ELAVL4: variants seen among roughly 807,000 people sequenced by gnomAD.
The protein encoded by ELAVL4 is ELAV like RNA binding protein 4.
A neutral mutation model predicts 35.6 loss-of-function variants in ELAVL4; 1 was observed. The ratio of observed to expected loss-of-function variants is 0.03; its 90% CI spans 0.01 to 0.13. The LOEUF (loss-of-function observed/expected upper bound fraction) is 0.13, where lower values mean the gene tolerates loss of function less well. Among genes scored for constraint, ELAVL4 ranks in the 10% least tolerant of loss-of-function variants. ELAVL4 has a pLI of 1.00. For synonymous variants in ELAVL4, 156 were observed against 171.0 expected, an observed-to-expected ratio of 0.91 and a Z score of 0.69; for missense variants, 267 against 464.9, an observed-to-expected ratio of 0.57 and a Z score of 3.91.
intron 1 of ELAVL4, among the ~76,000 whole-genome samples, chr1:50,054,099 G>C (rs1663537394): frequency 6.6e-6 from 1 of 152,168 alleles, no homozygotes; most frequent in Non-Finnish European, 1.5e-5. Context: ...ATTGTAAATT[G>C]AGTTATAAGT....
intron 1 of ELAVL4, among the ~76,000 whole-genome samples, chr1:50,124,295 G>C (rs1408273090): frequency 1.3e-5 from 2 of 152,008 alleles, no homozygotes; most frequent in Non-Finnish European, 2.9e-5. Context: ...GTCACTTGCT[G>C]TCTGTACCAC....
At chr1:50,086,883 G>C (rs193009853) in intron 1 of ELAVL4, among the ~76,000 whole-genome samples, 242 of 152,056 alleles carry the variant, frequency 1.6e-3, no homozygotes, top group South Asian at 3.1e-3. Context: ...GCATTCTCTC[G>C]GGGACTCTGC....
chr1:50,153,933 A>C (rs183731488), intron 2 of ELAVL4, among the ~76,000 whole-genome samples: 1 of 152,368 alleles, frequency 6.6e-6, no homozygotes, highest in African/African-American at 2.4e-5. Context: ...AGCCTTCACT[A>C]GAACCCAACC....
chr1:50,185,236 T>A (rs1681645327), intron 3 of ELAVL4, among the ~76,000 whole-genome samples: 1 of 152,182 alleles, frequency 6.6e-6, no homozygotes, highest in South Asian at 2.1e-4. Context: ...TTCTCCCCTT[T>A]TGTCCATTCA....
intron 1 of ELAVL4, 83 bp from the exon 2 acceptor site, chr1:50,144,874 T>C (rs1673416783): frequency 6.4e-7 from 1 of 1,566,770 alleles, no homozygotes; most frequent in Non-Finnish European, 8.6e-7. Context: ...CTCTTTCTTT[T>C]CAAAAAAATT....
At chr1:50,156,055 C>G (rs1434761046) in intron 2 of ELAVL4, among the ~76,000 whole-genome samples, 3 of 152,064 alleles carry the variant, frequency 2.0e-5, no homozygotes, top group African/African-American at 7.2e-5. Context: ...ACACACATCC[C>G]CCAAACACTT....
chr1:50,195,665 A>G lies in ELAVL4; in HGVS notation c.613A>G (p.Ile205Val), dbSNP rs1379114396. 55 of 1,614,038 alleles carry G rather than the reference A, an allele frequency of 3.4e-5. No homozygotes were observed. The highest frequency in any genetic ancestry group is 4.7e-5 in the Non-Finnish European group (55 of 1,180,018). Residue 205 changes from isoleucine to valine, a missense_variant, in exon 5 of 7, where the codon ATT becomes GTT. Physicochemically the swap from Ile to Val is conservative, Grantham distance 29. Coordinates refer to ENST00000371824, the MANE Select transcript of ELAVL4 (RefSeq NM_001144774.3). The stretch of plus-strand genomic sequence containing the variant: ...GAAGCCCAGCGGTGCTACGGAACCG[A>G]TTACTGTGAAGTTTGCCAACAACCC... Reference protein sequence around the residue: ...GQKPSGATEPITVKFANNPSQ... With the variant: ...GQKPSGATEPVTVKFANNPSQ...
chr1:50,201,175 C>T lies in ELAVL4; in HGVS notation c.1098C>T (p.Ser366=). 6.4e-7 allele frequency: 1 copy of T among 1,569,114 alleles called. No individual in the cohort carries two copies. Residue 366 remains serine, a synonymous_variant, in exon 7 of 7, where the codon TCC becomes TCT. Transcript: ENST00000371824. The surrounding 1 kb of genome is among the most constrained non-coding windows in gnomAD (Gnocchi z 4.3). ...TTAAAACCAACAAAGCCCACAAGTC[C>T]TGAATTTCCCATTCTTACTTACTAA... The part of the protein sequence containing the change: ...VSFKTNKAHK[S]
chr1:50,184,307 G>A (rs537672314), intron 3 of ELAVL4, among the ~76,000 whole-genome samples: 1 of 151,814 alleles, frequency 6.6e-6, no homozygotes, highest in South Asian at 2.1e-4. Context: ...GGTTGGGAAG[G>A]CACAGGTTTT....
At chr1:50,124,886 C>T (rs1669635695) in intron 1 of ELAVL4, among the ~76,000 whole-genome samples, 1 of 152,078 alleles carries the variant, frequency 6.6e-6, no homozygotes, top group Admixed American at 6.6e-5. Context: ...AAAACAGTTA[C>T]TTGGCATATA....
chr1:50,049,151 G>A (rs759641495), intron 1 of ELAVL4, among the ~76,000 whole-genome samples: 5 of 152,142 alleles, frequency 3.3e-5, no homozygotes, highest in African/African-American at 7.2e-5. Context: ...TCTTCCCACT[G>A]GGGACTTAAA....
intron 4 of ELAVL4, among the ~76,000 whole-genome samples, chr1:50,194,710 A>G (rs1287070783): frequency 6.6e-6 from 1 of 152,170 alleles, no homozygotes; most frequent in Non-Finnish European, 1.5e-5. Context: ...AATACTTGCT[A>G]GAAGCTGTCA....
upstream of ELAVL4, among the ~76,000 whole-genome samples, chr1:50,102,104 G>A (rs1486812081): frequency 1.3e-5 from 2 of 152,092 alleles, no homozygotes; most frequent in African/African-American, 2.4e-5. Flanking sequence ...TGGCTAACAC[G>A]GTGAAACCCT....
intron 1 of ELAVL4, among the ~76,000 whole-genome samples, chr1:50,139,694 G>A (rs1433198366): frequency 4.6e-5 from 7 of 152,176 alleles, no homozygotes; most frequent in Non-Finnish European, 1.0e-4. Flanking sequence ...GTTGAGAGAG[G>A]TGCCAGAAGG....
intron 1 of ELAVL4, chr1:50,115,258 G>C (rs1259241043): frequency 6.6e-6 from 1 of 152,070 alleles, no homozygotes; most frequent in Non-Finnish European, 1.5e-5. Context: ...ATCAAGAAAT[G>C]CTGAGAGCCC....
At position 50,146,309 on chromosome 1, in the gene ELAVL4, A is replaced by G. The variant is rs575236966; in HGVS notation, c.250+1112A>G. 3.0e-4 allele frequency among the ~76,000 whole-genome samples: 45 copies of G among 152,314 alleles called. 2 individuals are homozygous for G. In the South Asian group the frequency reaches 8.7e-3, roughly 29 times the overall value. On this transcript the variant is annotated intron_variant, in intron 2 of 6. Coordinates refer to ENST00000371824, the MANE Select transcript of ELAVL4 (RefSeq NM_001144774.3). ...TGTAAATCTGTTCCCCTTATAAATT[A>G]AGTAGTTTGCAAAATCATAAAACTT...
At chr1:50,145,693 T>C (rs1210874675) in intron 2 of ELAVL4, among the ~76,000 whole-genome samples, 1 of 152,210 alleles carries the variant, frequency 6.6e-6, no homozygotes, top group African/African-American at 2.4e-5. Context: ...GATAGCAGAT[T>C]ATTCTGGAAT....
chr1:50,105,985 GT>G, upstream of ELAVL4: 2 of 284,604 alleles, frequency 7.0e-6, no homozygotes, highest in Non-Finnish European at 1.3e-5. Context: ...GGCAGCATCT[GT>G]TTTTCCCCCC....
upstream of ELAVL4, chr1:50,103,823 G>A: frequency 7.3e-7 from 1 of 1,362,534 alleles, no homozygotes; most frequent in Non-Finnish European, 1.0e-6. Flanking sequence ...TCAATTGAGG[G>A]GCAAGAAGAG....
Sources: allele counts gnomAD v4.1 joint callset (sites outside exome capture counted in the v4.1 genomes callset), GRCh38; gene constraint gnomAD v4.1.1; non-coding constraint Gnocchi (gnomAD v3.1); transcripts MANE v1.5; gene names NCBI Gene and HGNC (gene_info 2026-07-23, HGNC 2026-07-21).